DENND5B: variants seen among roughly 807,000 people sequenced by gnomAD.
DENND5B encodes the protein DENN domain-containing protein 5B.
In DENND5B, 34 loss-of-function variants were observed where a neutral mutation model predicts 140.6. The observed-to-expected ratio is 0.24, with a 90% CI of 0.18 to 0.32. DENND5B has a LOEUF of 0.32. Among genes scored for constraint, DENND5B ranks in the 10% least tolerant of loss-of-function variants. DENND5B has a pLI of 1.00. For synonymous variants in DENND5B, 551 were observed against 562.1 expected, an observed-to-expected ratio of 0.98 and a Z score of 0.28; for missense variants, 1,142 against 1,560.2, an observed-to-expected ratio of 0.73 and a Z score of 4.52.
intron 13 of DENND5B, among the ~76,000 whole-genome samples, chr12:31,412,141 TTG>T (rs1323915004): frequency 6.6e-6 from 1 of 152,056 alleles, no homozygotes; most frequent in Non-Finnish European, 1.5e-5. Flanking sequence ...AGAGACAGGG[TTG>T]TGCCATGTTG....
intron 10 of DENND5B, 91 bp downstream of exon 10, chr12:31,424,444 A>AT (rs34764768): frequency 0.37 from 458,308 of 1,244,694 alleles, 55,720 homozygotes; most frequent in Non-Finnish European, 0.4. Flanking sequence ...AAAAGAGCCT[A>AT]TTTTTTTTTA....
chr12:31,538,824 G>C (rs1948589624), intron 1 of DENND5B, among the ~76,000 whole-genome samples: 1 of 152,092 alleles, frequency 6.6e-6, no homozygotes, highest in Non-Finnish European at 1.5e-5. Flanking sequence ...AGCCGAGATT[G>C]TGCCACTGCA....
At chr12:31,496,986 G>C (rs916478539) in intron 1 of DENND5B, among the ~76,000 whole-genome samples, 1 of 151,778 alleles carries the variant, frequency 6.6e-6, no homozygotes, top group Non-Finnish European at 1.5e-5. Flanking sequence ...AGCTGTTACA[G>C]CAAAAGATAA....
At chr12:31,446,739 C>A (rs1374911759) in intron 6 of DENND5B, among the ~76,000 whole-genome samples, 3 of 151,274 alleles carry the variant, frequency 2.0e-5, no homozygotes, top group Admixed American at 6.6e-5. Context: ...ACTGAAAATT[C>A]AAAAAATTAG....
intron 2 of DENND5B, among the ~76,000 whole-genome samples, chr12:31,480,928 C>A (rs1946045807): frequency 6.6e-6 from 1 of 151,900 alleles, no homozygotes. Context: ...TGGGAACTAC[C>A]CAGGATTGAG....
chr12:31,539,243 A>G (rs1948608940), intron 1 of DENND5B, among the ~76,000 whole-genome samples: 1 of 152,180 alleles, frequency 6.6e-6, no homozygotes, highest in Non-Finnish European at 1.5e-5. Context: ...GCCATAATAA[A>G]AAATCTCCCA....
chr12:31,574,321 G>A (rs189035716), intron 1 of DENND5B, among the ~76,000 whole-genome samples: 1 of 132,634 alleles, frequency 7.5e-6, no homozygotes, highest in Admixed American at 8.8e-5. Flanking sequence ...GGCCAGGCGC[G>A]GTGGCTCCCT....
At chr12:31,439,034 C>A (rs713249) in intron 7 of DENND5B, among the ~76,000 whole-genome samples, 1 of 152,210 alleles carries the variant, frequency 6.6e-6, no homozygotes, top group Non-Finnish European at 1.5e-5. Flanking sequence ...ATGAGCACTG[C>A]GCTTAAGCAA....
chr12:31,418,127 G>T (rs897563282), intron 11 of DENND5B, among the ~76,000 whole-genome samples: 9 of 152,052 alleles, frequency 5.9e-5, no homozygotes, highest in Non-Finnish European at 1.2e-4. Context: ...ATGATAAATA[G>T]GACATTTGTT....
intron 3 of DENND5B, among the ~76,000 whole-genome samples, chr12:31,467,293 A>T (rs1945311706): frequency 6.6e-6 from 1 of 152,158 alleles, no homozygotes; most frequent in South Asian, 2.1e-4. Flanking sequence ...TCTCAAAAGA[A>T]ATCTCTAAGA....
At chr12:31,436,022 T>C (rs990404876) in intron 7 of DENND5B, among the ~76,000 whole-genome samples, 4 of 152,036 alleles carry the variant, frequency 2.6e-5, no homozygotes, top group Admixed American at 6.6e-5. Context: ...AGTCTTGAAC[T>C]CCTGAGCTTA....
At chr12:31,413,776 G>T (rs1033790075) in intron 12 of DENND5B, among the ~76,000 whole-genome samples, 2 of 152,108 alleles carry the variant, frequency 1.3e-5, no homozygotes, top group African/African-American at 4.8e-5. Context: ...ACAAGCACAC[G>T]GACAATGTGG....
At chr12:31,549,535 T>C (rs571492777) in intron 1 of DENND5B, among the ~76,000 whole-genome samples, 62 of 152,236 alleles carry the variant, frequency 4.1e-4, no homozygotes, top group African/African-American at 1.4e-3. Flanking sequence ...GACTATTTTT[T>C]TTAATTTTTA....
At chr12:31,472,949 A>T (rs114402865) in intron 3 of DENND5B, among the ~76,000 whole-genome samples, 4,716 of 103,316 alleles carry the variant, frequency 0.046, 237 homozygotes, top group African/African-American at 0.14. Flanking sequence ...AAGTCTTTTT[A>T]AAAAAAAAAA....
At position 31,386,828 on chromosome 12, in the gene DENND5B, CAAG is replaced by C. The variant is rs1940873276; in HGVS notation, c.*772_*774del. 6.6e-6 allele frequency: 1 copy of C among 152,278 alleles called. No homozygotes were observed. Among genetic ancestry groups the C allele is most frequent in the East Asian group, 1.9e-4 (1 of 5,190 alleles). 9.4% of individuals were successfully genotyped at this position (152,278 alleles called of 1,614,324 possible). ...CATCTTCCCAAAGTACCTCAAATAA[CAAG>C]AATAAAAATGCCAAGAATGAAGTTA... On this transcript the variant is annotated 3_prime_UTR_variant, in exon 21 of 21. Transcript: ENST00000389082.
chr12:31,559,597 T>C (rs1418140228), intron 1 of DENND5B, among the ~76,000 whole-genome samples: 1 of 152,210 alleles, frequency 6.6e-6, no homozygotes, highest in East Asian at 1.9e-4. Flanking sequence ...CTATACTGTT[T>C]AGCTTAATTA....
At position 31,447,741 on chromosome 12, in the gene DENND5B, G is replaced by A; in HGVS notation, c.1658C>T (p.Pro553Leu). ...KASFLSDQPEPYLPFLSRFIE... is the reference protein window; with the variant it reads ...KASFLSDQPELYLPFLSRFIE... ...GAAGCGTGAAAGAAATGGCAGGTAA[G>A]GCTCAGGCTGGTCAGACAGAAAGGA... is the stretch of plus-strand genomic sequence containing the variant. Residue 553 changes from proline to leucine, a missense_variant, in exon 6 of 21, where the codon CCT (proline) becomes CTT (leucine). Pro to Leu is a moderately conservative substitution (Grantham distance 98, BLOSUM62 -3). This residue lies in a region of DENND5B where 708 missense variants were observed against 905.5 expected (regional missense o/e 0.78). Transcript: ENST00000389082. The A allele has an allele frequency of 6.2e-7, 1 of 1,603,322 alleles. No homozygotes were observed. Among genetic ancestry groups the A allele is most frequent in the Non-Finnish European group, 8.5e-7 (1 of 1,174,610 alleles).
chr12:31,472,228 C>G (rs1945593863), intron 3 of DENND5B, among the ~76,000 whole-genome samples: 1 of 152,148 alleles, frequency 6.6e-6, no homozygotes, highest in African/African-American at 2.4e-5. Flanking sequence ...CTCAACCCAG[C>G]AGGGTGGAAA....
intron 2 of DENND5B, among the ~76,000 whole-genome samples, chr12:31,495,299 A>T (rs140904558): frequency 6.6e-6 from 1 of 152,224 alleles, no homozygotes; most frequent in East Asian, 1.9e-4. Flanking sequence ...AAACTTATTA[A>T]CTATGGAAAC....
Sources: gnomAD v4.1 joint callset for allele counts (sites outside exome capture counted in the v4.1 genomes callset) on GRCh38, gnomAD v4.1.1 for gene constraint, gnomAD v4.1.1 regional missense constraint, MANE v1.5 for transcripts, NCBI Gene and HGNC (gene_info 2026-07-23, HGNC 2026-07-21) for gene names.